The following ANGPTL2 variants were observed in gnomAD, a reference collection of about 807,000 sequenced individuals.
ANGPTL2 encodes angiopoietin-related protein 2.
ANGPTL2 carries 25 observed loss-of-function variants against 52.8 expected under a neutral mutation model. The observed-to-expected ratio is 0.47, with a 90% CI of 0.35 to 0.66. The LOEUF is 0.66. ANGPTL2 is among the 30% of genes least tolerant of loss of function. ANGPTL2 has a pLI of 0.01. For synonymous variants in ANGPTL2, 276 were observed against 277.4 expected (o/e 1.00, Z 0.05); for missense variants, 546 against 656.9 (o/e 0.83, Z 1.84).
At chr9:127,117,727 T>C (rs890041595) in intron 1 of ANGPTL2, among the ~76,000 whole-genome samples, 8 of 152,244 alleles carry the variant, frequency 5.3e-5, no homozygotes, top group Non-Finnish European at 7.3e-5. Flanking sequence ...TCCACAGATA[T>C]CTTTTCTACC....
chr9:127,093,976 C>T (rs781486234), intron 2 of ANGPTL2, 50 bp from the exon 3 acceptor site: 10 of 1,578,728 alleles, frequency 6.3e-6, no homozygotes, highest in South Asian at 3.4e-5. Flanking sequence ...GTCACCAGGC[C>T]GCACCCCCAG....
intron 1 of ANGPTL2, among the ~76,000 whole-genome samples, chr9:127,109,437 A>G (rs2054581937): frequency 6.6e-6 from 1 of 152,248 alleles, no homozygotes; most frequent in African/African-American, 2.4e-5. Context: ...TATCAGTGGA[A>G]GGATGTGTCC....
intron 1 of ANGPTL2, among the ~76,000 whole-genome samples, chr9:127,117,788 C>T: frequency 6.6e-6 from 1 of 152,234 alleles, no homozygotes; most frequent in East Asian, 1.9e-4. Context: ...CAGACACAGC[C>T]TTTCCCTCAT....
intron 1 of ANGPTL2, among the ~76,000 whole-genome samples, chr9:127,111,468 A>G (rs1041110239): frequency 6.6e-6 from 1 of 152,204 alleles, no homozygotes; most frequent in Non-Finnish European, 1.5e-5. Flanking sequence ...ATATTTGTTG[A>G]TGGAATGACA....
intron 2 of ANGPTL2, among the ~76,000 whole-genome samples, chr9:127,104,110 C>T (rs2136948864): frequency 6.6e-6 from 1 of 152,316 alleles, no homozygotes; most frequent in East Asian, 1.9e-4. Context: ...TCCAGTATTT[C>T]ATGGTTTTAT....
chr9:127,105,677 T>G (rs1460665921), intron 2 of ANGPTL2, among the ~76,000 whole-genome samples: 1 of 152,136 alleles, frequency 6.6e-6, no homozygotes. Flanking sequence ...TTTTAGAAAT[T>G]TTGGCCTCGA....
Position 127,108,699 on chromosome 9 carries a change from G to T in ANGPTL2, c.33C>A (p.Leu11=). The change falls in exon 2 of 5, where the codon CTC becomes CTA. Residue 11 remains leucine, a synonymous_variant. Coordinates refer to ENST00000373425, the MANE Select transcript of ANGPTL2 (RefSeq NM_012098.3). Reference sequence around the variant, plus strand: ...CAGCTCCCATGGCAGCCAGCAGTCCGAGCCACCAGCATGTCACGCACAGTG... The same window carrying T: ...CAGCTCCCATGGCAGCCAGCAGTCCTAGCCACCAGCATGTCACGCACAGTG... MRPLCVTCWW[L]GLLAAMGAVA... is the part of the protein sequence containing the mutation. 1.2e-6 allele frequency: 2 copies of T among 1,612,520 alleles called. No individual in the cohort carries two copies. The highest frequency in any genetic ancestry group is 8.5e-7 in the Non-Finnish European group (1 of 1,179,382).
At chr9:127,099,558 GC>G in intron 2 of ANGPTL2, among the ~76,000 whole-genome samples, 1 of 152,330 alleles carries the variant, frequency 6.6e-6, no homozygotes, top group East Asian at 1.9e-4. Flanking sequence ...CCCCATGAGG[GC>G]AGGAGAACAG....
rs778578731 is a variant in ANGPTL2, at chr9:127,108,770, T to C, written c.-39A>G. The C allele has an allele frequency of 2.6e-6, 4 of 1,559,354 alleles. No individual in the cohort carries two copies. Among genetic ancestry groups the C allele is most frequent in the Non-Finnish European group, 3.5e-6 (4 of 1,150,962 alleles). The stretch of plus-strand genomic sequence containing the variant: ...TGGTGGTTATTCTTTGTGAATAGAA[T>C]CTATGAAAGCCTGAAAGTAAACAGA... On this transcript the variant is annotated 5_prime_UTR_variant, in exon 2 of 5. Transcript: ENST00000373425.
intron 2 of ANGPTL2, among the ~76,000 whole-genome samples, chr9:127,103,999 T>A (rs1268513714): frequency 6.6e-6 from 1 of 152,158 alleles, no homozygotes; most frequent in East Asian, 1.9e-4. Context: ...TGAACCTCAA[T>A]ATCCTGCAAG....
chr9:127,112,586 C>T (rs1395717670), intron 1 of ANGPTL2, among the ~76,000 whole-genome samples: 1 of 152,256 alleles, frequency 6.6e-6, no homozygotes, highest in Non-Finnish European at 1.5e-5. Context: ...AACATGGGCT[C>T]TCACAGCTCC....
At chr9:127,116,370 A>G (rs2137464235) in intron 1 of ANGPTL2, among the ~76,000 whole-genome samples, 1 of 151,970 alleles carries the variant, frequency 6.6e-6, no homozygotes, top group South Asian at 2.1e-4. Flanking sequence ...TTTCCGGGGG[A>G]CAAGGACACT....
At chr9:127,112,012 A>C (rs1490600691) in intron 1 of ANGPTL2, among the ~76,000 whole-genome samples, 6 of 152,226 alleles carry the variant, frequency 3.9e-5, no homozygotes, top group African/African-American at 1.4e-4. Context: ...GGGCTTCTCC[A>C]GTGAGGACCC....
chr9:127,098,205 T>C (rs1281205758), intron 2 of ANGPTL2, among the ~76,000 whole-genome samples: 3 of 152,220 alleles, frequency 2.0e-5, no homozygotes, highest in Admixed American at 1.3e-4. Flanking sequence ...TATATTGACA[T>C]GAAGAATGGA....
At chr9:127,101,623 G>A (rs2053740042) in intron 2 of ANGPTL2, among the ~76,000 whole-genome samples, 1 of 152,182 alleles carries the variant, frequency 6.6e-6, no homozygotes, top group Admixed American at 6.6e-5. Context: ...CACAACAGAT[G>A]ATAATCCACA....
intron 2 of ANGPTL2, among the ~76,000 whole-genome samples, chr9:127,097,653 T>G (rs1281306607): frequency 6.6e-6 from 1 of 152,210 alleles, no homozygotes; most frequent in Admixed American, 6.5e-5. Context: ...AGACAAAACA[T>G]CCTACTTTGA....
intron 1 of ANGPTL2, among the ~76,000 whole-genome samples, chr9:127,121,825 C>A (rs184332000): frequency 6.6e-6 from 1 of 152,158 alleles, no homozygotes; most frequent in East Asian, 1.9e-4. Context: ...TGTAACTCTC[C>A]GAGCAGGGGC....
At chr9:127,101,040 G>A (rs956992368) in intron 2 of ANGPTL2, among the ~76,000 whole-genome samples, 1 of 152,176 alleles carries the variant, frequency 6.6e-6, no homozygotes, top group African/African-American at 2.4e-5. Context: ...CACTGGTGGT[G>A]GTTCTGAGAG....
intron 1 of ANGPTL2, among the ~76,000 whole-genome samples, chr9:127,117,719 C>T (rs2055582391): frequency 6.6e-6 from 1 of 152,222 alleles, no homozygotes; most frequent in Admixed American, 6.5e-5. Context: ...TCATTCATTC[C>T]ACAGATATCT....
Sources: gnomAD v4.1 joint callset for allele counts (sites outside exome capture counted in the v4.1 genomes callset) on GRCh38, gnomAD v4.1.1 for gene constraint, MANE v1.5 for transcripts, NCBI Gene and HGNC (gene_info 2026-07-23, HGNC 2026-07-21) for gene names.